The following ITPR1 variants were observed in gnomAD, a reference collection of about 807,000 sequenced individuals.
The protein encoded by ITPR1 is inositol 1,4,5-trisphosphate-gated calcium channel ITPR1.
ITPR1 carries 96 observed loss-of-function variants against 318.4 expected under a neutral mutation model. The observed-to-expected ratio is 0.30, with a 90% CI of 0.26 to 0.36. The LOEUF (loss-of-function observed/expected upper bound fraction) is 0.36. Among genes scored for constraint, ITPR1 ranks in the 10% least tolerant of loss-of-function variants. ITPR1 has a pLI of 1.00. For synonymous variants in ITPR1, 1,312 were observed against 1,289.9 expected, an observed-to-expected ratio of 1.02 and a Z score of -0.37; for missense variants, 2,440 against 3,460.2, an observed-to-expected ratio of 0.71 and a Z score of 7.40.
chr3:4,762,207 T>A (rs2045503167), intron 44 of ITPR1, among the ~76,000 whole-genome samples: 1 of 152,232 alleles, frequency 6.6e-6, no homozygotes, highest in Non-Finnish European at 1.5e-5. Flanking sequence ...TCTCACTATG[T>A]TGCCCAGGTA....
At chr3:4,661,413 C>T (rs1017458789) in intron 14 of ITPR1, among the ~76,000 whole-genome samples, 2 of 152,176 alleles carry the variant, frequency 1.3e-5, no homozygotes, top group Non-Finnish European at 2.9e-5. Context: ...TCTTGAGGTA[C>T]ATCAAGTATC....
rs1468885681 is a variant in ITPR1, at chr3:4,847,397, A to AAG, written c.*1173_*1174insGA. ...CATTTTACAAGAGAATCTCTCTGCAAAAAAAAAAAAAACAGTTTAAAAATG... is the reference window on the plus strand; with the variant it reads ...CATTTTACAAGAGAATCTCTCTGCAAAGAAAAAAAAAAAACAGTTTAAAAATG... On this transcript the variant is annotated 3_prime_UTR_variant, in exon 62 of 62. Transcript: ENST00000649015. The AAG allele has an allele frequency of 7.2e-6, 1 of 138,562 alleles. No homozygotes were observed. Among genetic ancestry groups the AAG allele is most frequent in the African/African-American group, 3.2e-5 (1 of 31,338 alleles). The allele number at this position is 138,562 out of a possible 1,614,324, so 8.6% of individuals were successfully genotyped here.
chr3:4,838,527 A>G (rs890454643), intron 61 of ITPR1, among the ~76,000 whole-genome samples: 1 of 152,180 alleles, frequency 6.6e-6, no homozygotes, highest in African/African-American at 2.4e-5. Flanking sequence ...CAGTTAAATC[A>G]GATGTTTAAA....
At chr3:4,497,471 G>A (rs1575302731) in intron 2 of ITPR1, among the ~76,000 whole-genome samples, 1 of 152,174 alleles carries the variant, frequency 6.6e-6, no homozygotes, top group East Asian at 1.9e-4. Flanking sequence ...CTCAGTTGGT[G>A]GGAGGCAGCC....
chr3:4,684,864 C>A (rs746117579), intron 29 of ITPR1, among the ~76,000 whole-genome samples: 1 of 152,200 alleles, frequency 6.6e-6, no homozygotes, highest in Non-Finnish European at 1.5e-5. Context: ...AAGCCATAAT[C>A]CCCTGCTTAT....
In ITPR1 at chr3:4,570,126, T is replaced by C. The variant is rs532753020; in HGVS notation, c.163+49032T>C. Among the ~76,000 whole-genome samples the C allele has an allele frequency of 5.4e-4, 82 of 152,224 alleles. 2 individuals carry two copies. In the South Asian group the frequency reaches 0.017, roughly 31 times the overall value. On this transcript the variant is annotated intron_variant, in intron 4 of 61. Transcript: ENST00000649015. ...AACAAATATAGTTGCCGAAAAAAAATGATTAGATTTCAAACTTTATCTGAG... is the reference window on the plus strand; with the variant it reads ...AACAAATATAGTTGCCGAAAAAAAACGATTAGATTTCAAACTTTATCTGAG...
At chr3:4,618,721 C>T (rs1038241509) in intron 4 of ITPR1, among the ~76,000 whole-genome samples, 4 of 152,206 alleles carry the variant, frequency 2.6e-5, no homozygotes, top group Admixed American at 2.6e-4. Context: ...CACCACCGTC[C>T]TCTATCCCTG....
At chr3:4,702,009 C>T (rs2094664093) in intron 35 of ITPR1, among the ~76,000 whole-genome samples, 1 of 152,022 alleles carries the variant, frequency 6.6e-6, no homozygotes, top group Non-Finnish European at 1.5e-5. Flanking sequence ...GCAAGTTGTC[C>T]CCTCTGAAAC....
intron 52 of ITPR1, among the ~76,000 whole-genome samples, chr3:4,790,543 C>T (rs2047489742): frequency 6.6e-6 from 1 of 152,136 alleles, no homozygotes; most frequent in Non-Finnish European, 1.5e-5. Context: ...CCATGATTTG[C>T]ACACTTGGGG....
intron 4 of ITPR1, among the ~76,000 whole-genome samples, chr3:4,575,713 TAA>T (rs201350558): frequency 4.9e-5 from 7 of 142,426 alleles, no homozygotes; most frequent in Admixed American, 1.4e-4. Flanking sequence ...ATGTCTTCTT[TAA>T]AAAAAAAAAA....
chr3:4,774,431 A>AT (rs537687562), intron 46 of ITPR1, among the ~76,000 whole-genome samples: 72 of 152,154 alleles, frequency 4.7e-4, no homozygotes, highest in Non-Finnish European at 9.1e-4. Flanking sequence ...CCTATTGCCC[A>AT]TTTTTTTTAC....
intron 55 of ITPR1, among the ~76,000 whole-genome samples, chr3:4,809,010 G>A (rs1362029887): frequency 6.6e-6 from 1 of 152,200 alleles, no homozygotes; most frequent in African/African-American, 2.4e-5. Context: ...CAGTAAACAT[G>A]GAAAAATGTT....
chr3:4,834,443 C>G (rs774429540), intron 60 of ITPR1, among the ~76,000 whole-genome samples: 12 of 152,146 alleles, frequency 7.9e-5, no homozygotes, highest in African/African-American at 2.9e-4. Context: ...TAGCAGCCAC[C>G]GTGAGTATCC....
At position 4,666,117 on chromosome 3, in the gene ITPR1, G is replaced by A. The variant is rs958059193; in HGVS notation, c.1713+821G>A. ...GAAAATTTGTGCCACATGGAGTACC[G>A]TAGGCATGCAAAATGATGCTTATCA... On this transcript the variant is annotated intron_variant, in intron 17 of 61. Coordinates refer to ENST00000649015, the MANE Select transcript of ITPR1 (RefSeq NM_001378452.1). 5.3e-5 allele frequency among the ~76,000 whole-genome samples: 8 copies of A among 152,256 alleles called. No individual in the cohort carries two copies. The South Asian group carries it at 1.2e-3, about 24-fold the overall frequency.
intron 4 of ITPR1, among the ~76,000 whole-genome samples, chr3:4,553,953 C>G (rs2085853565): frequency 6.6e-6 from 1 of 152,080 alleles, no homozygotes; most frequent in Non-Finnish European, 1.5e-5. Context: ...GTTGCCCAGG[C>G]TGGTCTTGAA....
intron 19 of ITPR1, among the ~76,000 whole-genome samples, chr3:4,670,468 A>G (rs2094051119): frequency 6.6e-6 from 1 of 152,206 alleles, no homozygotes; most frequent in East Asian, 1.9e-4. Context: ...AGATGCCAGT[A>G]GCACCTCTCC....
intron 56 of ITPR1, 72 bp downstream of exon 56, chr3:4,811,532 T>C (rs2048938698): frequency 3.1e-6 from 4 of 1,271,316 alleles, no homozygotes; most frequent in Middle Eastern, 1.9e-4. Context: ...CTAAAGAAAA[T>C]AACGACTTTA....
chr3:4,615,393 T>C (rs2125106971), intron 4 of ITPR1, among the ~76,000 whole-genome samples: 1 of 134,040 alleles, frequency 7.5e-6, no homozygotes, highest in East Asian at 2.4e-4. Flanking sequence ...TTTTTTTTTT[T>C]GAGATGGAGT....
intron 44 of ITPR1, among the ~76,000 whole-genome samples, chr3:4,759,085 T>C (rs3805006): frequency 0.5 from 75,486 of 152,100 alleles, 22,698 homozygotes; most frequent in Non-Finnish European, 0.68. Flanking sequence ...CCAACTTGCA[T>C]CCAGTGATAA....
Sources: gnomAD v4.1 joint callset for allele counts (sites outside exome capture counted in the v4.1 genomes callset) on GRCh38, gnomAD v4.1.1 for gene constraint, MANE v1.5 for transcripts, NCBI Gene and HGNC (gene_info 2026-07-23, HGNC 2026-07-21) for gene names.